The following AQR variants were observed in gnomAD, a reference collection of about 807,000 sequenced individuals.
AQR encodes RNA helicase aquarius.
In AQR, 61 loss-of-function variants were observed where a neutral mutation model predicts 180.5. The ratio of observed to expected loss-of-function variants is 0.34; its 90% CI spans 0.28 to 0.42. The LOEUF is 0.42. Among genes scored for constraint, AQR ranks in the 10% least tolerant of loss-of-function variants. The probability of loss-of-function intolerance (pLI) is 1.00; values close to 1 mark genes in which losing one functional copy is unlikely to be tolerated. For missense variants in AQR, 1,281 were observed against 1,798.3 expected, an observed-to-expected ratio of 0.71 and a Z score of 5.20; for synonymous variants, 551 against 588.8, an observed-to-expected ratio of 0.94 and a Z score of 0.93.
At chr15:34,965,563 T>C (rs7177337) in intron 1 of AQR, among the ~76,000 whole-genome samples, 111,954 of 151,662 alleles carry the variant, frequency 0.74, 42,561 homozygotes, top group Middle Eastern at 0.85. Flanking sequence ...TCCAGCTACT[T>C]GGGAGGCTGA....
intron 14 of AQR, 37 bp from the exon 15 acceptor site, chr15:34,918,415 A>T (rs1474381089): frequency 1.9e-6 from 3 of 1,591,458 alleles, no homozygotes; most frequent in Admixed American, 3.6e-5. Context: ...AGAAGGTTAG[A>T]AGCATCTTTT....
At chr15:34,873,731 C>T in intron 30 of AQR, 97 bp downstream of exon 30, 1 of 1,132,050 alleles carries the variant, frequency 8.8e-7, no homozygotes, top group Non-Finnish European at 1.2e-6. Context: ...TTCCAACTTT[C>T]CTTTTCTCAA....
chr15:34,944,485 A>G, intron 5 of AQR, 57 bp from the exon 6 acceptor site: 2 of 1,511,992 alleles, frequency 1.3e-6, no homozygotes, highest in Non-Finnish European at 8.8e-7. Context: ...TAAGCTTTAA[A>G]GAAGCCCTAG....
chr15:34,869,125 C>A (rs2140460776), intron 31 of AQR: 1 of 152,208 alleles, frequency 6.6e-6, no homozygotes, highest in Non-Finnish European at 1.5e-5. Context: ...AACTCTAGAA[C>A]CCCAGTTCTA....
intron 26 of AQR, 92 bp from the exon 27 acceptor site, chr15:34,882,731 T>C (rs1168660065): frequency 4.5e-6 from 5 of 1,120,958 alleles, no homozygotes; most frequent in Non-Finnish European, 6.1e-6. Flanking sequence ...TCCTGAGAAA[T>C]TAACATAAAT....
At position 34,900,854 on chromosome 15, in the gene AQR, C is replaced by T. The variant is rs1595791347; in HGVS notation, c.2011G>A (p.Glu671Lys). ...PKENNFKAVL[E>K]TIRNLMNTDC... Reference sequence around the variant, plus strand: ...GTATTCATCAGGTTCCGAATAGTCTCCAGCACAGCCTGTCAGTAAAAGGAC... The same window carrying T: ...GTATTCATCAGGTTCCGAATAGTCTTCAGCACAGCCTGTCAGTAAAAGGAC... Residue 671 changes from glutamate (E) to lysine (K), a missense_variant, in exon 20 of 35, where the codon GAG becomes AAG. Physicochemically the swap from Glu to Lys is moderately conservative, Grantham distance 56 (BLOSUM62 1). This residue lies in a region of AQR where 28 missense variants were observed against 75.3 expected (regional missense o/e 0.37). Coordinates refer to ENST00000156471, the MANE Select transcript of AQR (RefSeq NM_014691.3). The T allele has an allele frequency of 6.3e-7, 1 of 1,596,108 alleles. No individual in the cohort carries two copies. The highest frequency in any genetic ancestry group is 2.2e-5 in the East Asian group (1 of 44,492).
intron 5 of AQR, among the ~76,000 whole-genome samples, chr15:34,946,480 T>A (rs1282552800): frequency 1.5e-5 from 1 of 64,788 alleles, no homozygotes; most frequent in African/African-American, 6.1e-5. Context: ...AGGAGGGAGG[T>A]GGGGGGGTCA....
chr15:34,942,345 T>C (rs1391383943), intron 6 of AQR, among the ~76,000 whole-genome samples: 1 of 152,242 alleles, frequency 6.6e-6, no homozygotes, highest in African/African-American at 2.4e-5. Flanking sequence ...TTCACAGTCA[T>C]CCAGATGGCC....
intron 14 of AQR, among the ~76,000 whole-genome samples, chr15:34,918,879 A>C (rs1893639206): frequency 6.6e-6 from 1 of 152,182 alleles, no homozygotes. Context: ...TAGTCTTCTC[A>C]CTCTATGTTC....
chr15:34,933,855 T>C (rs555778058), intron 10 of AQR, among the ~76,000 whole-genome samples: 5 of 152,290 alleles, frequency 3.3e-5, no homozygotes, highest in Admixed American at 2.0e-4. Context: ...CTCACGCCTA[T>C]AATCCCAAGC....
intron 18 of AQR, among the ~76,000 whole-genome samples, chr15:34,905,767 G>A (rs12324073): frequency 6.6e-6 from 1 of 151,776 alleles, no homozygotes; most frequent in South Asian, 2.1e-4. Context: ...AAAAAAATAT[G>A]GTAAAGTATT....
At chr15:34,887,071 G>C (rs976820455) in intron 24 of AQR, among the ~76,000 whole-genome samples, 2 of 151,632 alleles carry the variant, frequency 1.3e-5, no homozygotes, top group Non-Finnish European at 2.9e-5. Flanking sequence ...CTTGCAGTGA[G>C]CAGAGATGGC....
intron 13 of AQR, among the ~76,000 whole-genome samples, chr15:34,926,092 G>C (rs1041208331): frequency 6.6e-6 from 1 of 152,062 alleles, no homozygotes; most frequent in Admixed American, 6.6e-5. Context: ...GCGTGAACCC[G>C]GGAGGCGGAA....
At chr15:34,938,924 G>T in intron 8 of AQR, 111 bp from the exon 9 acceptor site, 2 of 734,786 alleles carry the variant, frequency 2.7e-6, no homozygotes, top group Non-Finnish European at 4.6e-6. Context: ...TCATTTCTTT[G>T]TGAAGCTGGG....
At chr15:34,868,314 G>A (rs1892767940) in intron 31 of AQR, 1 of 151,670 alleles carries the variant, frequency 6.6e-6, no homozygotes, top group African/African-American at 2.4e-5. Flanking sequence ...CTGGGTAACA[G>A]AGTAAGGCCC....
At chr15:34,916,198 G>A (rs1351405973) in intron 15 of AQR, among the ~76,000 whole-genome samples, 2 of 152,084 alleles carry the variant, frequency 1.3e-5, no homozygotes, top group Non-Finnish European at 2.9e-5. Flanking sequence ...GAATTATTAT[G>A]TTACATTGCA....
At chr15:34,918,002 A>C (rs963006786) in intron 15 of AQR, among the ~76,000 whole-genome samples, 4 of 151,932 alleles carry the variant, frequency 2.6e-5, no homozygotes, top group Non-Finnish European at 5.9e-5. Context: ...AACAAAAAAA[A>C]CCAAAACAGT....
chr15:34,885,908 T>G (rs766666307), intron 25 of AQR, among the ~76,000 whole-genome samples: 30 of 152,180 alleles, frequency 2.0e-4, no homozygotes, highest in Non-Finnish European at 3.5e-4. Flanking sequence ...AAATCTTCAT[T>G]AGCCAATTAT....
At chr15:34,897,836 G>C (rs1290429226) in intron 20 of AQR, 131 bp from the exon 21 acceptor site, 9 of 968,300 alleles carry the variant, frequency 9.3e-6, no homozygotes, top group Non-Finnish European at 1.5e-6. Flanking sequence ...AACGATATCT[G>C]TATGTAAACT....
Sources: gnomAD v4.1 joint callset for allele counts (sites outside exome capture counted in the v4.1 genomes callset) on GRCh38, gnomAD v4.1.1 for gene constraint, gnomAD v4.1.1 regional missense constraint, MANE v1.5 for transcripts, NCBI Gene and HGNC (gene_info 2026-07-23, HGNC 2026-07-21) for gene names.